PIEZO1: variants seen among roughly 807,000 people sequenced by gnomAD.
PIEZO1 encodes piezo-type mechanosensitive ion channel component 1.
In PIEZO1, 296 loss-of-function variants were observed where a neutral mutation model predicts 297.2. The ratio of observed to expected loss-of-function variants is 1.00; its 90% CI spans 0.91 to 1.10. The LOEUF (loss-of-function observed/expected upper bound fraction) is 1.10. PIEZO1 is among the 50% of genes least tolerant of loss of function. PIEZO1 has a pLI of 0.00. For synonymous variants in PIEZO1, 2,427 were observed against 1,507.5 expected, an observed-to-expected ratio of 1.61 and a Z score of -14.13; for missense variants, 5,018 against 3,455.5, an observed-to-expected ratio of 1.45 and a Z score of -11.34.
intron 31 of PIEZO1, 105 bp from the exon 32 acceptor site, chr16:88,723,433 T>G (rs954141458): frequency 7.6e-7 from 1 of 1,321,876 alleles, no homozygotes; most frequent in African/African-American, 1.4e-5. Flanking sequence ...CCCTGCTCTG[T>G]GTCTCCCAGG....
At position 88,715,818 on chromosome 16, in the gene PIEZO1, G is replaced by A. The variant is rs762374984; in HGVS notation, c.7353C>T (p.Ile2451=). 541 of 1,550,156 alleles carry A rather than the reference G, an allele frequency of 3.5e-4. 1 individual carries two copies. The highest frequency in any genetic ancestry group is 4.5e-4 in the Non-Finnish European group (511 of 1,146,966). The change falls in exon 51 of 51, where the codon ATC becomes ATT. Residue 2451 remains isoleucine (I), a synonymous_variant. Transcript: ENST00000301015. ...TGAAGAATCCGCGCACGAACTTGCC[G>A]ATGACCAGCACGATGGACACGTACA... The part of the protein sequence containing the change: ...MGLYVSIVLV[I]GKFVRGFFSE...
chr16:88,743,528 C>G (rs1160581889), intron 2 of PIEZO1: 1 of 456,460 alleles, frequency 2.2e-6, no homozygotes, highest in Non-Finnish European at 4.4e-6. Flanking sequence ...GTGAATGTCA[C>G]CACCACATCT....
rs1165873810 is a variant in PIEZO1, at chr16:88,784,981, G to A, written c.-17C>T. The A allele has an allele frequency of 2.3e-6, 3 of 1,299,690 alleles. No individual in the cohort carries two copies. The highest frequency in any genetic ancestry group is 3.0e-6 in the Non-Finnish European group (3 of 1,016,656). 80.5% of individuals were successfully genotyped at this position (1,299,690 alleles called of 1,614,324 possible). On this transcript the variant is annotated 5_prime_UTR_variant, in exon 1 of 51. Transcript: ENST00000301015. ...CGGCTCCATGGCTGGAGGGCCCAGG[G>A]CCCGGCCCAGACCGAGCGGACGCCG...
In PIEZO1 at chr16:88,734,864, C is replaced by A. The variant is rs1170801789; in HGVS notation, c.1848+11G>T. 1.9e-6 allele frequency: 3 copies of A among 1,550,262 alleles called. No individual in the cohort carries two copies. Among genetic ancestry groups the A allele is most frequent in the Middle Eastern group, 1.7e-4 (1 of 5,992 alleles). Reference sequence around the variant, plus strand: ...TCCGTGCCCCAGCCCCCATCCCGGCCCCCCAGCCACCTGGAAGAGGGTGAG... The same window carrying A: ...TCCGTGCCCCAGCCCCCATCCCGGCACCCCAGCCACCTGGAAGAGGGTGAG... On this transcript the variant is annotated intron_variant, in intron 14 of 50. Transcript: ENST00000301015.
At position 88,725,553 on chromosome 16, in the gene PIEZO1, T is replaced by G; in HGVS notation, c.4059-34A>C. 2.6e-6 allele frequency: 4 copies of G among 1,535,584 alleles called. No homozygotes were observed. The East Asian group carries it at 9.8e-5, about 38-fold the overall frequency. On this transcript the variant is annotated intron_variant, in intron 28 of 50. Coordinates refer to ENST00000301015, the MANE Select transcript of PIEZO1 (RefSeq NM_001142864.4). ...GGGAAAGGTGGGGTATGCTGAGCAT[T>G]GGGGGGAGGAGCCGGGGAGTCCCCG...
intron 22 of PIEZO1, among the ~76,000 whole-genome samples, chr16:88,728,014 G>A (rs1443564623): frequency 6.6e-6 from 1 of 152,224 alleles, no homozygotes; most frequent in Non-Finnish European, 1.5e-5. Flanking sequence ...CTGCACGGAC[G>A]CCTGCAGCCA....
At chr16:88,767,027 G>A (rs971570357) in intron 1 of PIEZO1, among the ~76,000 whole-genome samples, 6 of 152,170 alleles carry the variant, frequency 3.9e-5, no homozygotes, top group South Asian at 2.1e-4. Context: ...TGTGAGTGCC[G>A]CGACTGCTCT....
At position 88,721,591 on chromosome 16, in the gene PIEZO1, T is replaced by C. The variant is rs1325015006; in HGVS notation, c.5350A>G (p.Lys1784Glu). Reference sequence around the variant, plus strand: ...GCCATGAGCTGCACCAGGTCGTACTTGATGTAGCCGTCAGTCTTCTCCAGG... The same window carrying C: ...GCCATGAGCTGCACCAGGTCGTACTCGATGTAGCCGTCAGTCTTCTCCAGG... ...LGLEKTDGYI[K>E]YDLVQLMALF... The change falls in exon 38 of 51, where the codon AAG becomes GAG. Residue 1784 changes from lysine to glutamate, a missense_variant. By Grantham distance (56) the Lys-to-Glu change is moderately conservative. Coordinates refer to ENST00000301015, the MANE Select transcript of PIEZO1 (RefSeq NM_001142864.4). 1 of 1,550,012 alleles carries C rather than the reference T, an allele frequency of 6.5e-7. No homozygotes were observed.
rs8056875 is a variant in PIEZO1 at position 88,727,259 on chromosome 16, T to C, written c.3302-67A>G. ...ACACGAGGTGGGCACGGCGCATAAA[T>C]CCCACCTCCCACCCCAGGCCTGTCG... On this transcript the variant is annotated intron_variant, in intron 23 of 50. Coordinates refer to ENST00000301015, the MANE Select transcript of PIEZO1 (RefSeq NM_001142864.4). 6.5e-4 allele frequency: 936 copies of C among 1,435,282 alleles called. 10 individuals carry two copies. The African/African-American group carries it at 0.012, about 18-fold the overall frequency. The allele number at this position is 1,435,282 out of a possible 1,614,324, so 88.9% of individuals were successfully genotyped here.
At chr16:88,730,469 T>A (rs1368853653) in intron 22 of PIEZO1, among the ~76,000 whole-genome samples, 1 of 151,914 alleles carries the variant, frequency 6.6e-6, no homozygotes, top group Non-Finnish European at 1.5e-5. Flanking sequence ...CTGGTGGTGC[T>A]TGCCTGTAAT....
chr16:88,730,868 T>C (rs1234508915), intron 22 of PIEZO1, among the ~76,000 whole-genome samples: 1 of 152,170 alleles, frequency 6.6e-6, no homozygotes, highest in Non-Finnish European at 1.5e-5. Flanking sequence ...TTGATGGGAA[T>C]CCCAGCTGAC....
chr16:88,742,518 GC>G, intron 2 of PIEZO1, 96 bp from the exon 3 acceptor site: 1 of 1,323,860 alleles, frequency 7.6e-7, no homozygotes, highest in Non-Finnish European at 1.0e-6. Flanking sequence ...CCCGGCCAGA[GC>G]CCAGAGGCCT....
intron 22 of PIEZO1, chr16:88,731,195 C>G: frequency 6.1e-6 from 1 of 162,986 alleles, no homozygotes; most frequent in Admixed American, 5.7e-5. Flanking sequence ...GAGCAAACAT[C>G]AGACCAGATC....
intron 1 of PIEZO1, among the ~76,000 whole-genome samples, chr16:88,776,756 T>C (rs1271065476): frequency 6.6e-6 from 1 of 152,140 alleles, no homozygotes; most frequent in Admixed American, 6.5e-5. Flanking sequence ...GGACCCTGGC[T>C]CGGGGCGGGC....
intron 22 of PIEZO1, among the ~76,000 whole-genome samples, chr16:88,730,947 C>G (rs930703880): frequency 2.0e-5 from 3 of 152,250 alleles, no homozygotes; most frequent in Non-Finnish European, 4.4e-5. Flanking sequence ...CACAGCCCAC[C>G]AGTGCCAACA....
rs113172498 is a variant in PIEZO1 at position 88,722,133 on chromosome 16, G to C, written c.4956-67C>G. On this transcript the variant is annotated intron_variant, in intron 36 of 50. Transcript: ENST00000301015. Reference sequence around the variant, plus strand: ...CGAAGGCATGACGGCCCGATCTGTTGCCGGTCACAGTCAGTCTCCTGCCCC... The same window carrying C: ...CGAAGGCATGACGGCCCGATCTGTTCCCGGTCACAGTCAGTCTCCTGCCCC... 2.9e-5 allele frequency: 44 copies of C among 1,522,026 alleles called. No individual in the cohort carries two copies. In the East Asian group the frequency reaches 1.0e-3, roughly 36 times the overall value. The allele number at this position is 1,522,026 out of a possible 1,614,324, so 94.3% of individuals were successfully genotyped here.
At chr16:88,779,352 T>C (rs1427460764) in intron 1 of PIEZO1, among the ~76,000 whole-genome samples, 2 of 152,234 alleles carry the variant, frequency 1.3e-5, no homozygotes, top group African/African-American at 4.8e-5. Flanking sequence ...GATCCCATTT[T>C]GGACGGCGTC....
chr16:88,728,009 C>A (rs1406896661), intron 22 of PIEZO1, among the ~76,000 whole-genome samples: 1 of 152,192 alleles, frequency 6.6e-6, no homozygotes, highest in Non-Finnish European at 1.5e-5. Context: ...AGAAGCTGCA[C>A]GGACGCCTGC....
intron 13 of PIEZO1, 31 bp downstream of exon 13, chr16:88,735,103 AG>A: frequency 6.5e-7 from 1 of 1,549,188 alleles, no homozygotes; most frequent in Non-Finnish European, 8.7e-7. Context: ...GGCAGGCAGG[AG>A]GGCAACCCCC....
Sources: allele counts gnomAD v4.1 joint callset (sites outside exome capture counted in the v4.1 genomes callset), GRCh38; gene constraint gnomAD v4.1.1; transcripts MANE v1.5; gene names NCBI Gene and HGNC (gene_info 2026-07-23, HGNC 2026-07-21).